CAST: variants seen among roughly 807,000 people sequenced by gnomAD.
The protein encoded by CAST is calpastatin, also known as MIR583 host.
A neutral mutation model predicts 119.6 loss-of-function variants in CAST; 76 were observed. The observed-to-expected ratio is 0.64, with a 90% confidence interval of 0.53 to 0.77. The LOEUF is 0.77. Ranked by LOEUF, CAST falls within the 30% of genes least tolerant of loss-of-function variation. The pLI, the probability that CAST is intolerant of heterozygous loss-of-function variation, is 0.00. For synonymous variants in CAST, 319 were observed against 331.6 expected, an observed-to-expected ratio of 0.96 and a Z score of 0.41; for missense variants, 953 against 946.5, an observed-to-expected ratio of 1.01 and a Z score of -0.09.
intron 1 of CAST, among the ~76,000 whole-genome samples, chr5:96,607,035 T>A (rs907714792): frequency 1.8e-4 from 27 of 152,302 alleles, no homozygotes; most frequent in African/African-American, 6.0e-4. Flanking sequence ...ACGCCTGTAA[T>A]CCCAGCACTT....
At chr5:96,570,375 T>C (rs1746547563) in intron 1 of CAST, among the ~76,000 whole-genome samples, 1 of 152,176 alleles carries the variant, frequency 6.6e-6, no homozygotes, top group African/African-American at 2.4e-5. Context: ...GGATTACTGT[T>C]GTAGATATCA....
the CAST span, among the ~76,000 whole-genome samples, chr5:96,327,775 C>T: frequency 6.6e-6 from 1 of 152,164 alleles, no homozygotes; most frequent in Admixed American, 6.5e-5. Flanking sequence ...TTCAACAACT[C>T]ACTCTAGGGA....
At chr5:96,374,527 A>C in the CAST span, among the ~76,000 whole-genome samples, 1 of 152,198 alleles carries the variant, frequency 6.6e-6, no homozygotes, top group Non-Finnish European at 1.5e-5. Context: ...TGTACTATGC[A>C]CTAGACTCTC....
upstream of CAST, among the ~76,000 whole-genome samples, chr5:96,521,697 T>C (rs1745521585): frequency 6.6e-6 from 1 of 152,238 alleles, no homozygotes; most frequent in Non-Finnish European, 1.5e-5. Flanking sequence ...GAATTATATT[T>C]TACTCATCTT....
At chr5:96,663,039 C>A in intron 1 of CAST, 2 of 698,040 alleles carry the variant, frequency 2.9e-6, no homozygotes, top group East Asian at 2.7e-5. Flanking sequence ...CCAGCCCGGT[C>A]CCGGCCAAGC....
chr5:96,237,946 TA>T, the CAST span, among the ~76,000 whole-genome samples: 1 of 152,080 alleles, frequency 6.6e-6, no homozygotes, highest in Non-Finnish European at 1.5e-5. Flanking sequence ...CTCTAATTTA[TA>T]AAAATTGTAT....
At chr5:96,404,253 T>A in the CAST span, among the ~76,000 whole-genome samples, 149 of 152,326 alleles carry the variant, frequency 9.8e-4, 1 homozygote, top group African/African-American at 3.4e-3. Flanking sequence ...AAAACTTGGT[T>A]AAGGTATTAC....
chr5:96,027,028 T>C, the CAST span, among the ~76,000 whole-genome samples: 4 of 152,058 alleles, frequency 2.6e-5, no homozygotes, highest in East Asian at 7.7e-4. Context: ...CTGAGCAACA[T>C]AGTGAGACCC....
At chr5:96,033,182 A>G in the CAST span, among the ~76,000 whole-genome samples, 1 of 152,162 alleles carries the variant, frequency 6.6e-6, no homozygotes, top group Admixed American at 6.6e-5. Context: ...GAGGACACAA[A>G]TAACTGTAAG....
chr5:96,113,891 G>T, the CAST span, among the ~76,000 whole-genome samples: 2 of 152,178 alleles, frequency 1.3e-5, no homozygotes, highest in Non-Finnish European at 2.9e-5. Flanking sequence ...TGAAGAAAAT[G>T]TTAATTGATC....
At chr5:96,090,140 G>C in the CAST span, among the ~76,000 whole-genome samples, 2 of 152,154 alleles carry the variant, frequency 1.3e-5, no homozygotes, top group African/African-American at 4.8e-5. Flanking sequence ...ATCAAGCCTT[G>C]ATGAAAGCTA....
At chr5:96,703,276 A>G (rs1282406990) in intron 3 of CAST, among the ~76,000 whole-genome samples, 1 of 151,988 alleles carries the variant, frequency 6.6e-6, no homozygotes, top group East Asian at 1.9e-4. Flanking sequence ...AGCAGCAGCT[A>G]TGTCAGTTTG....
chr5:96,350,200 C>T, the CAST span, among the ~76,000 whole-genome samples: 3 of 152,172 alleles, frequency 2.0e-5, no homozygotes, highest in African/African-American at 7.2e-5. Flanking sequence ...AGGGAAAAAG[C>T]AAATATTGGG....
intron 1 of CAST, among the ~76,000 whole-genome samples, chr5:96,579,555 T>C (rs1212471717): frequency 2.0e-5 from 3 of 152,150 alleles, no homozygotes; most frequent in Admixed American, 1.3e-4. Context: ...CTATTGTAGG[T>C]TGGGGGTCAG....
At chr5:96,030,286 T>C in the CAST span, among the ~76,000 whole-genome samples, 10 of 152,296 alleles carry the variant, frequency 6.6e-5, 1 homozygote, top group Middle Eastern at 3.4e-3. Context: ...GATAGGATGA[T>C]AGAACATATT....
chr5:96,491,708 A>T, the CAST span, among the ~76,000 whole-genome samples: 1 of 152,106 alleles, frequency 6.6e-6, no homozygotes, highest in African/African-American at 2.4e-5. Flanking sequence ...GTGCATAGGA[A>T]TAGTCATAGT....
chr5:96,722,582 C>A, intron 3 of CAST, 57 bp from the exon 4 acceptor site: 1 of 1,297,224 alleles, frequency 7.7e-7, no homozygotes, highest in Non-Finnish European at 1.1e-6. Flanking sequence ...GCTGAAGGAC[C>A]ATGTAGATTG....
the CAST span, among the ~76,000 whole-genome samples, chr5:96,451,783 A>T: frequency 6.6e-6 from 1 of 152,232 alleles, no homozygotes; most frequent in Non-Finnish European, 1.5e-5. Flanking sequence ...TAAAGAACTT[A>T]AACAGATTTA....
the CAST span, among the ~76,000 whole-genome samples, chr5:96,112,187 T>G: frequency 6.6e-6 from 1 of 152,056 alleles, no homozygotes; most frequent in Non-Finnish European, 1.5e-5. Flanking sequence ...TGTTAATATA[T>G]TCTCAATTAT....
Sources: allele counts gnomAD v4.1 joint callset (sites outside exome capture counted in the v4.1 genomes callset), GRCh38; gene constraint gnomAD v4.1.1; transcripts MANE v1.5; gene names NCBI Gene and HGNC (gene_info 2026-07-23, HGNC 2026-07-21).